Variants in TNS1 observed in about 807,000 individuals in gnomAD.
TNS1 encodes the protein tensin-1.
A neutral mutation model predicts 168.6 loss-of-function variants in TNS1; 62 were observed. That is an observed-to-expected ratio of 0.37 (90% CI 0.30 to 0.45). The LOEUF is 0.45. Among genes scored for constraint, TNS1 ranks in the 20% least tolerant of loss-of-function variants. The probability of loss-of-function intolerance (pLI) is 1.00; values close to 1 mark genes in which losing one functional copy is unlikely to be tolerated. For synonymous variants in TNS1, 934 were observed against 933.2 expected (o/e 1.00, Z -0.02); for missense variants, 2,240 against 2,339.4 (o/e 0.96, Z 0.88).
At chr2:217,929,927 T>C (rs147407163) in intron 3 of TNS1, among the ~76,000 whole-genome samples, 1 of 152,160 alleles carries the variant, frequency 6.6e-6, no homozygotes, top group South Asian at 2.1e-4. Flanking sequence ...CATTCTCCAT[T>C]TGGCAGCCAG....
chr2:217,847,777 G>A lies in TNS1; in HGVS notation c.2740C>T (p.Pro914Ser). 1 of 1,608,186 alleles carries A rather than the reference G, an allele frequency of 6.2e-7. No individual in the cohort carries two copies. The highest frequency in any genetic ancestry group is 8.5e-7 in the Non-Finnish European group (1 of 1,175,232). The change falls in exon 19 of 33, where the codon CCT becomes TCT. Residue 914 changes from proline (P) to serine (S), a missense_variant. This residue lies in a region of TNS1 where 2,131 missense variants were observed against 2,171.2 expected (regional missense o/e 0.98). Coordinates refer to ENST00000682258, the MANE Select transcript of TNS1 (RefSeq NM_001387777.1). ...TCATAAGGTGAGTAAGACCTGCCAG[G>A]AGGGACAGACTCCAGAGAGGCCCGT... Reference protein sequence around the residue: ...APRASLESVPPGRSYSPYDYQ... With the variant: ...APRASLESVPSGRSYSPYDYQ...
intron 18 of TNS1, among the ~76,000 whole-genome samples, chr2:217,854,399 ATGAGTT>A (rs913362480): frequency 2.0e-5 from 3 of 152,208 alleles, no homozygotes; most frequent in African/African-American, 7.2e-5. Flanking sequence ...TGAATAGCGA[ATGAGTT>A]ACTAAGGTTT....
intron 3 of TNS1, among the ~76,000 whole-genome samples, chr2:217,946,427 G>A (rs1036210368): frequency 2.0e-5 from 3 of 152,216 alleles, no homozygotes; most frequent in African/African-American, 7.2e-5. Flanking sequence ...GTCTCAATAA[G>A]TGTGGAATGA....
chr2:217,810,178 C>A, intron 29 of TNS1, 70 bp downstream of exon 29: 1 of 1,562,630 alleles, frequency 6.4e-7, no homozygotes, highest in Admixed American at 1.7e-5. Context: ...CCTGCACGTG[C>A]AGGAGGGGTC....
chr2:217,867,745 G>A (rs73076332), intron 18 of TNS1, among the ~76,000 whole-genome samples: 1,554 of 152,278 alleles, frequency 0.01, 27 homozygotes, highest in African/African-American at 0.035. Context: ...TGCACCTGCT[G>A]TTACCTCTGC....
At chr2:217,865,102 G>T (rs1949150690) in intron 18 of TNS1, among the ~76,000 whole-genome samples, 1 of 152,162 alleles carries the variant, frequency 6.6e-6, no homozygotes, top group African/African-American at 2.4e-5. Context: ...TGTGAGCAGA[G>T]GGGTCCATGT....
chr2:217,861,585 A>G (rs1208417503), intron 18 of TNS1, among the ~76,000 whole-genome samples: 1 of 152,220 alleles, frequency 6.6e-6, no homozygotes, highest in East Asian at 1.9e-4. Flanking sequence ...GGTTAAGAAC[A>G]TGGACTTGGA....
At chr2:217,829,192 A>G (rs1944037721) in intron 22 of TNS1, among the ~76,000 whole-genome samples, 1 of 148,820 alleles carries the variant, frequency 6.7e-6, no homozygotes, top group Non-Finnish European at 1.5e-5. Context: ...CCTGGCCAAC[A>G]TGGTGAAACC....
chr2:217,882,267 A>T (rs2303381), intron 17 of TNS1, 79 bp downstream of exon 17: 60,503 of 1,007,994 alleles, frequency 0.06, 3,542 homozygotes, highest in East Asian at 0.29. Context: ...TGTGGAACAG[A>T]CCAGGGGTGG....
chr2:217,867,004 C>T (rs534224384), intron 18 of TNS1, among the ~76,000 whole-genome samples: 17 of 152,336 alleles, frequency 1.1e-4, no homozygotes, highest in South Asian at 4.1e-4. Context: ...GTGTCAGAAT[C>T]CAAGCTCTAC....
At chr2:217,957,297 T>C (rs1957389543) in intron 3 of TNS1, among the ~76,000 whole-genome samples, 1 of 152,056 alleles carries the variant, frequency 6.6e-6, no homozygotes, top group Admixed American at 6.5e-5. Context: ...AAGCTCCCCC[T>C]CCCTGCCCAG....
chr2:217,816,966 T>C (rs1437494819), intron 24 of TNS1, among the ~76,000 whole-genome samples: 3 of 152,152 alleles, frequency 2.0e-5, no homozygotes, highest in African/African-American at 7.2e-5. Flanking sequence ...CAATGAGCTT[T>C]CTAAGTAGAG....
chr2:217,998,221 G>GTCTCTCTC (rs60663810), intron 1 of TNS1, among the ~76,000 whole-genome samples: 7,233 of 149,456 alleles, frequency 0.048, 533 homozygotes, highest in African/African-American at 0.15. Flanking sequence ...CTCCATCAGT[G>GTCTCTCTC]TCTCTCTCTC....
chr2:217,996,603 C>G (rs146367458), intron 1 of TNS1, among the ~76,000 whole-genome samples: 45 of 152,254 alleles, frequency 3.0e-4, no homozygotes, highest in Non-Finnish European at 4.3e-4. Context: ...GCACCTCCCC[C>G]ACCCCCAACT....
intron 3 of TNS1, among the ~76,000 whole-genome samples, chr2:217,923,709 T>C (rs1955857433): frequency 6.6e-6 from 1 of 152,198 alleles, no homozygotes; most frequent in Non-Finnish European, 1.5e-5. Flanking sequence ...ACCAAGCCCT[T>C]TGCTCTCATT....
intron 3 of TNS1, among the ~76,000 whole-genome samples, chr2:217,959,073 C>A (rs1279187068): frequency 6.6e-6 from 1 of 152,100 alleles, no homozygotes; most frequent in Non-Finnish European, 1.5e-5. Context: ...CTGCACTGTG[C>A]GGGGAGGGGG....
At chr2:217,914,994 G>A (rs988153782) in intron 4 of TNS1, among the ~76,000 whole-genome samples, 18 of 152,336 alleles carry the variant, frequency 1.2e-4, no homozygotes, top group African/African-American at 4.3e-4. Context: ...GGTTGCACAA[G>A]TTGGGGTTTT....
chr2:217,926,801 A>C (rs1427603409), intron 3 of TNS1, among the ~76,000 whole-genome samples: 2 of 152,216 alleles, frequency 1.3e-5, no homozygotes, highest in Non-Finnish European at 1.5e-5. Context: ...CAGTCCTCTC[A>C]ACAATTCTGC....
At chr2:217,822,827 C>T (rs1393436394) in intron 22 of TNS1, among the ~76,000 whole-genome samples, 2 of 152,188 alleles carry the variant, frequency 1.3e-5, no homozygotes, top group African/African-American at 4.8e-5. Flanking sequence ...GCCTCTGAGG[C>T]CAGCTCCCAA....
Sources: allele counts gnomAD v4.1 joint callset (sites outside exome capture counted in the v4.1 genomes callset), GRCh38; gene constraint gnomAD v4.1.1; regional missense constraint gnomAD v4.1.1; transcripts MANE v1.5; gene names NCBI Gene and HGNC (gene_info 2026-07-23, HGNC 2026-07-21).